Variants in PTDSS2 observed in about 807,000 individuals in gnomAD.
The protein encoded by PTDSS2 is phosphatidylserine synthase 2, also known as PSS-2.
A neutral mutation model predicts 64.7 loss-of-function variants in PTDSS2; 41 were observed. The observed-to-expected ratio is 0.63, with a 90% CI of 0.49 to 0.82. The LOEUF (loss-of-function observed/expected upper bound fraction) is 0.82. Among genes scored for constraint, PTDSS2 ranks in the 40% least tolerant of loss-of-function variants. PTDSS2 has a pLI of 0.00. For missense variants in PTDSS2, 485 were observed against 650.0 expected, an observed-to-expected ratio of 0.75 and a Z score of 2.76; for synonymous variants, 297 against 277.8, an observed-to-expected ratio of 1.07 and a Z score of -0.69.
intron 1 of PTDSS2, among the ~76,000 whole-genome samples, chr11:453,418 C>A (rs143936614): frequency 1.3e-5 from 2 of 152,196 alleles, no homozygotes; most frequent in South Asian, 4.1e-4. Context: ...ACTTGCTAAC[C>A]AGTTCCCGAG....
Position 476,233 on chromosome 11 carries a change from G to A in PTDSS2, c.367+2256G>A, listed in dbSNP as rs73385899. 4.6e-5 allele frequency among the ~76,000 whole-genome samples: 7 copies of A among 152,206 alleles called. No homozygotes were observed. Among genetic ancestry groups the A allele is most frequent in the South Asian group, 4.1e-4 (2 of 4,828 alleles). On this transcript the variant is annotated intron_variant, in intron 3 of 11. Transcript: ENST00000308020. This position sits in a 1 kb window ranked among gnomAD's most constrained non-coding sequence, Gnocchi z 4.9. Reference sequence around the variant, plus strand: ...TCTGCCCAGCCGGCTGAGCACAGACGGTCTTGCCTCCAAGGGGTTTGGATT... The same window carrying A: ...TCTGCCCAGCCGGCTGAGCACAGACAGTCTTGCCTCCAAGGGGTTTGGATT...
chr11:451,606 G>C (rs1295853144), intron 1 of PTDSS2: 1 of 251,536 alleles, frequency 4.0e-6, no homozygotes, highest in Non-Finnish European at 8.4e-6. Flanking sequence ...TGGAAGGAAG[G>C]CTTTATGGAC....
At chr11:466,457 G>T (rs1847146394) in intron 2 of PTDSS2, among the ~76,000 whole-genome samples, 1 of 149,066 alleles carries the variant, frequency 6.7e-6, no homozygotes, top group South Asian at 2.1e-4. Context: ...CCAGGCTGGA[G>T]TGCAGTGGCA....
chr11:480,511 C>A (rs1434062100), intron 4 of PTDSS2: 3 of 161,296 alleles, frequency 1.9e-5, no homozygotes, highest in South Asian at 2.7e-4. Flanking sequence ...CTGCACAGTG[C>A]CTCTGAGGTT....
chr11:455,931 GATGGC>G (rs1282959856), intron 1 of PTDSS2, among the ~76,000 whole-genome samples: 1 of 152,108 alleles, frequency 6.6e-6, no homozygotes, highest in African/African-American at 2.4e-5. Context: ...GAATGGCTGT[GATGGC>G]CCAGTGTCCA....
chr11:486,359 G>A (rs1848386395), intron 4 of PTDSS2, among the ~76,000 whole-genome samples: 1 of 152,210 alleles, frequency 6.6e-6, no homozygotes, highest in South Asian at 2.1e-4. Flanking sequence ...TCTGTCCAGC[G>A]GTCCTAGACC....
chr11:460,693 C>T lies in PTDSS2; in HGVS notation c.284+405C>T, dbSNP rs376576318. The stretch of plus-strand genomic sequence containing the variant: ...TCCGTTAGCCAGCGGGGCTCTTGCA[C>T]GGACAGGGGCCGACACGGACCGCAG... On this transcript the variant is annotated intron_variant, in intron 2 of 11. Transcript: ENST00000308020. The surrounding 1 kb of genome is among the most constrained non-coding windows in gnomAD (Gnocchi z 5.8). 1.1e-4 allele frequency: 20 copies of T among 181,434 alleles called. No individual in the cohort carries two copies. The highest frequency in any genetic ancestry group is 1.5e-4 in the East Asian group (1 of 6,532). 11.2% of individuals were successfully genotyped at this position (181,434 alleles called of 1,614,324 possible).
intron 2 of PTDSS2, among the ~76,000 whole-genome samples, chr11:467,116 A>G (rs1174985162): frequency 6.6e-6 from 1 of 152,068 alleles, no homozygotes; most frequent in Non-Finnish European, 1.5e-5. Context: ...ACTTGAACCC[A>G]GGAGGCAGAG....
In PTDSS2 at chr11:490,795, T is replaced by C; in HGVS notation, c.*213T>C. ...ACGTGTGTACGTGTGTATGCGTGTG[T>C]GTACGCGTGTGTACGCGCGTGTGTA... On this transcript the variant is annotated 3_prime_UTR_variant, in exon 12 of 12. Coordinates refer to ENST00000308020, the MANE Select transcript of PTDSS2 (RefSeq NM_030783.3). 1 of 588,256 alleles carries C rather than the reference T, an allele frequency of 1.7e-6. No individual in the cohort carries two copies. Among genetic ancestry groups the C allele is most frequent in the Non-Finnish European group, 3.0e-6 (1 of 333,242 alleles). The allele number at this position is 588,256 out of a possible 1,614,324, so 36.4% of individuals were successfully genotyped here.
chr11:488,881 C>T (rs1848529975), intron 8 of PTDSS2, among the ~76,000 whole-genome samples: 2 of 152,246 alleles, frequency 1.3e-5, no homozygotes, highest in African/African-American at 4.8e-5. Context: ...CAATCCCTGG[C>T]CGGCCTGGCG....
rs112233402 is a variant in PTDSS2 at position 459,177 on chromosome 11, C to G, written c.183-1010C>G. ...GTCGGACCTGGGTTAGACGTGAGGA[C>G]ACACTCCGGTGGATGTCGGACCTGG... On this transcript the variant is annotated intron_variant, in intron 1 of 11. Coordinates refer to ENST00000308020, the MANE Select transcript of PTDSS2 (RefSeq NM_030783.3). 2.5e-3 allele frequency: 108 copies of G among 43,162 alleles called. 1 individual carries two copies. The highest frequency in any genetic ancestry group is 0.014 in the African/African-American group (101 of 7,218). 2.7% of individuals were successfully genotyped at this position (43,162 alleles called of 1,614,324 possible). A position where few individuals can be genotyped will look rare whatever the true frequency, so the allele number is the denominator to read the frequency against.
At position 460,467 on chromosome 11, in the gene PTDSS2, T is replaced by C; in HGVS notation, c.284+179T>C. 1 of 577,964 alleles carries C rather than the reference T, an allele frequency of 1.7e-6. No homozygotes were observed. 35.8% of individuals were successfully genotyped at this position (577,964 alleles called of 1,614,324 possible). A position where few individuals can be genotyped will look rare whatever the true frequency, so the allele number is the denominator to read the frequency against. On this transcript the variant is annotated intron_variant, in intron 2 of 11. Coordinates refer to ENST00000308020, the MANE Select transcript of PTDSS2 (RefSeq NM_030783.3). The surrounding 1 kb of genome is among the most constrained non-coding windows in gnomAD (Gnocchi z 5.8). ...CAGACTCCAGGGCTGCCCTTGGTGC[T>C]GCGTGGCGTTCCCGGTCAGCCCCCG...
chr11:489,545 C>T (rs755122650), intron 9 of PTDSS2, 31 bp downstream of exon 9: 26 of 1,608,834 alleles, frequency 1.6e-5, no homozygotes, highest in South Asian at 2.2e-5. Context: ...GACGGCGCGG[C>T]GGGCGGGGGG....
intron 2 of PTDSS2, among the ~76,000 whole-genome samples, chr11:469,981 G>T (rs1847344057): frequency 6.6e-6 from 1 of 152,150 alleles, no homozygotes; most frequent in African/African-American, 2.4e-5. Context: ...AAACATCCAC[G>T]AGCCCATAGT....
intron 7 of PTDSS2, 58 bp downstream of exon 7, chr11:488,370 C>A: frequency 1.4e-6 from 2 of 1,467,958 alleles, no homozygotes; most frequent in East Asian, 4.5e-5. Context: ...ATTCTCGGAA[C>A]CCCTGTGCCC....
intron 1 of PTDSS2, among the ~76,000 whole-genome samples, chr11:451,052 C>T (rs1298672617): frequency 6.6e-6 from 1 of 152,226 alleles, no homozygotes; most frequent in Non-Finnish European, 1.5e-5. Flanking sequence ...GTCATTCTGC[C>T]TGTGGTTGCT....
rs537803958 is a variant in PTDSS2, at chr11:488,576, C to T, written c.783C>T (p.Gly261=). ...GCAACGGGCTGGGCATCTACTGCGG[C>T]ATGAAGACCCTTGAGTGGCTGTCCC... ...LVCNGLGIYC[G]MKTLEWLSLK... is the part of the protein sequence containing the mutation. The change falls in exon 8 of 12, where the codon GGC becomes GGT. Residue 261 remains glycine (G), a synonymous_variant. Transcript: ENST00000308020. 1.2e-6 allele frequency: 2 copies of T among 1,613,576 alleles called. No homozygotes were observed. The highest frequency in any genetic ancestry group is 2.2e-5 in the East Asian group (1 of 44,874).
intron 6 of PTDSS2, 132 bp downstream of exon 6, chr11:487,602 C>A: frequency 1.2e-6 from 1 of 849,950 alleles, no homozygotes; most frequent in Non-Finnish European, 2.0e-6. Flanking sequence ...CTGCAGCCAC[C>A]CAGAGGTTCG....
In PTDSS2 at chr11:462,298, C is replaced by T. The variant is rs942114202; in HGVS notation, c.284+2010C>T. 6.6e-6 allele frequency among the ~76,000 whole-genome samples: 1 copy of T among 152,158 alleles called. No homozygotes were observed. The highest frequency in any genetic ancestry group is 2.4e-5 in the African/African-American group (1 of 41,442). ...CCCCCACTTCACCCAGCACTGGCCT[C>T]TCCTGAGTGGCCCCCGACGTGAGAG... On this transcript the variant is annotated intron_variant, in intron 2 of 11. Coordinates refer to ENST00000308020, the MANE Select transcript of PTDSS2 (RefSeq NM_030783.3). This position sits in a 1 kb window ranked among gnomAD's most constrained non-coding sequence, Gnocchi z 4.5.
Sources: allele counts gnomAD v4.1 joint callset (sites outside exome capture counted in the v4.1 genomes callset), GRCh38; gene constraint gnomAD v4.1.1; non-coding constraint Gnocchi (gnomAD v3.1); transcripts MANE v1.5; gene names NCBI Gene and HGNC (gene_info 2026-07-23, HGNC 2026-07-21).